The following SLC10A7 variants were observed in gnomAD, a reference collection of about 807,000 sequenced individuals.
SLC10A7 encodes the protein sodium/bile acid cotransporter 7.
SLC10A7 carries 29 observed loss-of-function variants against 43.2 expected under a neutral mutation model. The observed-to-expected ratio is 0.67, with a 90% confidence interval of 0.50 to 0.92. The LOEUF is 0.92. SLC10A7 is among the 40% of genes least tolerant of loss of function. The pLI is 0.00. For synonymous variants in SLC10A7, 152 were observed against 144.8 expected, an observed-to-expected ratio of 1.05 and a Z score of -0.35; for missense variants, 295 against 403.2, an observed-to-expected ratio of 0.73 and a Z score of 2.30.
rs1037473419 is a variant in SLC10A7, at chr4:146,498,359, C to A, written c.396+5490G>T. ...TCTTGAACTCCTGACCTCAGGTGAT[C>A]CCCCAGCCTCGGCCTCCCAAAGTCC... is the stretch of plus-strand genomic sequence containing the variant. On this transcript the variant is annotated intron_variant, in intron 4 of 11. Transcript: ENST00000335472. 3.3e-5 allele frequency among the ~76,000 whole-genome samples: 5 copies of A among 152,170 alleles called. No individual in the cohort carries two copies. In the East Asian group the frequency reaches 5.8e-4, roughly 18 times the overall value.
At chr4:146,439,319 T>C (rs1220983338) in intron 5 of SLC10A7, among the ~76,000 whole-genome samples, 1 of 152,086 alleles carries the variant, frequency 6.6e-6, no homozygotes, top group Non-Finnish European at 1.5e-5. Context: ...ATGTACAGTA[T>C]TTTATTTATA....
rs1422381487 is a variant in SLC10A7, at chr4:146,285,101, G to A, written c.774-1836C>T. On this transcript the variant is annotated intron_variant, in intron 9 of 11. Transcript: ENST00000335472. ...AGTATGGGAGTGTAGGGGGCAGTTG[G>A]CAAAGAACAGATTCTTCAGGCTGAC... Among the ~76,000 whole-genome samples the A allele has an allele frequency of 3.3e-5, 5 of 152,216 alleles. No individual in the cohort carries two copies. The East Asian group carries it at 9.7e-4, about 29-fold the overall frequency.
chr4:146,516,401 G>C (rs1387448155), intron 2 of SLC10A7, among the ~76,000 whole-genome samples: 1 of 148,878 alleles, frequency 6.7e-6, no homozygotes, highest in African/African-American at 2.5e-5. Context: ...TATAGGTGTG[G>C]GGTGTGTGTG....
chr4:146,424,131 A>G (rs947855764), intron 5 of SLC10A7, among the ~76,000 whole-genome samples: 1 of 152,212 alleles, frequency 6.6e-6, no homozygotes, highest in African/African-American at 2.4e-5. Context: ...GGCTCACTGC[A>G]GCCTAGAACT....
At chr4:146,495,186 C>T (rs940229390) in intron 4 of SLC10A7, among the ~76,000 whole-genome samples, 3 of 152,152 alleles carry the variant, frequency 2.0e-5, no homozygotes, top group Admixed American at 6.5e-5. Flanking sequence ...AGGCTCAATG[C>T]TGACAATGTT....
At chr4:146,404,703 C>A (rs1456894007) in intron 5 of SLC10A7, among the ~76,000 whole-genome samples, 1 of 152,086 alleles carries the variant, frequency 6.6e-6, no homozygotes, top group East Asian at 1.9e-4. Flanking sequence ...CTCCTGGCCT[C>A]AAGCAATCCT....
chr4:146,447,715 T>C (rs1731228878), intron 4 of SLC10A7, among the ~76,000 whole-genome samples: 1 of 152,006 alleles, frequency 6.6e-6, no homozygotes, highest in Non-Finnish European at 1.5e-5. Context: ...ATTGACTAGA[T>C]TGACTTCCTT....
intron 5 of SLC10A7, among the ~76,000 whole-genome samples, chr4:146,386,562 C>T (rs1738012566): frequency 6.6e-6 from 1 of 152,168 alleles, no homozygotes; most frequent in Non-Finnish European, 1.5e-5. Flanking sequence ...CACATATTCT[C>T]TGTTGTTAAT....
intron 5 of SLC10A7, among the ~76,000 whole-genome samples, chr4:146,428,813 T>C (rs938473996): frequency 8.5e-5 from 13 of 152,170 alleles, no homozygotes; most frequent in African/African-American, 3.1e-4. Flanking sequence ...GAAATCATTC[T>C]CTACAATGCT....
intron 5 of SLC10A7, among the ~76,000 whole-genome samples, chr4:146,333,969 G>A (rs1297853141): frequency 6.6e-6 from 1 of 152,144 alleles, no homozygotes; most frequent in Non-Finnish European, 1.5e-5. Flanking sequence ...CAACAGAACA[G>A]ATTCAAAACG....
intron 7 of SLC10A7, among the ~76,000 whole-genome samples, chr4:146,299,160 A>C (rs1730985039): frequency 6.6e-6 from 1 of 152,226 alleles, no homozygotes. Context: ...ATGTTAAAAG[A>C]TGCATATAAC....
At chr4:146,328,663 C>G (rs1733325456) in intron 5 of SLC10A7, among the ~76,000 whole-genome samples, 1 of 152,142 alleles carries the variant, frequency 6.6e-6, no homozygotes. Context: ...TCCCTATCCC[C>G]CAAAATGCCT....
intron 4 of SLC10A7, among the ~76,000 whole-genome samples, chr4:146,498,863 C>A (rs983219676): frequency 1.3e-5 from 2 of 152,042 alleles, no homozygotes; most frequent in Non-Finnish European, 1.5e-5. Flanking sequence ...TTACTTCTTG[C>A]CAAAGTACAA....
At chr4:146,461,686 A>G (rs1263524068) in intron 4 of SLC10A7, among the ~76,000 whole-genome samples, 1 of 151,982 alleles carries the variant, frequency 6.6e-6, no homozygotes, top group Non-Finnish European at 1.5e-5. Context: ...TGTATCAAAT[A>G]TAATACATAA....
chr4:146,471,624 T>C (rs2149964635), intron 4 of SLC10A7, among the ~76,000 whole-genome samples: 1 of 152,332 alleles, frequency 6.6e-6, no homozygotes, highest in South Asian at 2.1e-4. Flanking sequence ...AAAATGATAG[T>C]TGTTACAACT....
At chr4:146,419,323 A>G (rs1265884473) in intron 5 of SLC10A7, among the ~76,000 whole-genome samples, 1 of 152,200 alleles carries the variant, frequency 6.6e-6, no homozygotes, top group African/African-American at 2.4e-5. Flanking sequence ...AAATTAGCAC[A>G]CAAAAGTCAC....
chr4:146,291,506 A>C lies in SLC10A7; in HGVS notation c.773+1423T>G, dbSNP rs1029271477. ...CGCTTTTTCAAGCCTTATAAACAGC[A>C]TAGGCTCTTTCCCTTGTGGTCACTC... On this transcript the variant is annotated intron_variant, in intron 9 of 11. Coordinates refer to ENST00000335472, the MANE Select transcript of SLC10A7 (RefSeq NM_001029998.6). Among the ~76,000 whole-genome samples, 5 of 152,156 alleles carry C rather than the reference A, an allele frequency of 3.3e-5. No homozygotes were observed. The East Asian group carries it at 9.6e-4, about 29-fold the overall frequency.
intron 5 of SLC10A7, among the ~76,000 whole-genome samples, chr4:146,410,408 T>C (rs1728103665): frequency 6.6e-6 from 1 of 152,030 alleles, no homozygotes; most frequent in Admixed American, 6.6e-5. Context: ...AAAATGAGAA[T>C]ATAGCACAGG....
At chr4:146,404,885 T>C (rs2149822022) in intron 5 of SLC10A7, among the ~76,000 whole-genome samples, 1 of 152,328 alleles carries the variant, frequency 6.6e-6, no homozygotes, top group East Asian at 1.9e-4. Flanking sequence ...GTGGTTTTTG[T>C]TATTGACAGT....
Sources: gnomAD v4.1 joint callset for allele counts (sites outside exome capture counted in the v4.1 genomes callset) on GRCh38, gnomAD v4.1.1 for gene constraint, MANE v1.5 for transcripts, NCBI Gene and HGNC (gene_info 2026-07-23, HGNC 2026-07-21) for gene names.